Variants in OAS3 observed in about 807,000 individuals in gnomAD.
OAS3 encodes the protein 2'-5'-oligoadenylate synthetase 3.
In OAS3, 107 loss-of-function variants were observed where a neutral mutation model predicts 113.0. The observed-to-expected ratio is 0.95, with a 90% confidence interval of 0.81 to 1.11. The LOEUF (loss-of-function observed/expected upper bound fraction) is 1.11, where lower values mean the gene tolerates loss of function less well. Among genes scored for constraint, OAS3 ranks in the 50% most tolerant of loss-of-function variants. The pLI is 0.00. For missense variants in OAS3, 1,258 were observed against 1,389.1 expected (o/e 0.91, Z 1.50); for synonymous variants, 552 against 573.6 (o/e 0.96, Z 0.54).
At chr12:112,945,665 G>T (rs193301641) in intron 3 of OAS3, among the ~76,000 whole-genome samples, 451 of 152,316 alleles carry the variant, frequency 3.0e-3, no homozygotes, top group African/African-American at 0.011. Context: ...TCCAGTTCTG[G>T]CTCAGCCATC....
chr12:112,946,650 C>T (rs867524918), intron 3 of OAS3, 93 bp from the exon 4 acceptor site: 6 of 1,106,902 alleles, frequency 5.4e-6, no homozygotes, highest in Middle Eastern at 2.3e-4. Flanking sequence ...GCCTCAGGCT[C>T]GGCCTGGAAG....
rs1377499409 is a variant in OAS3, at chr12:112,972,125, A to C, written c.*2152A>C. 4 of 152,372 alleles carry C rather than the reference A, an allele frequency of 2.6e-5. No homozygotes were observed. The highest frequency in any genetic ancestry group is 4.4e-5 in the Non-Finnish European group (3 of 68,050). The allele number at this position is 152,372 out of a possible 1,614,324, so 9.4% of individuals were successfully genotyped here. On this transcript the variant is annotated 3_prime_UTR_variant, in exon 16 of 16. Coordinates refer to ENST00000228928, the MANE Select transcript of OAS3 (RefSeq NM_006187.4). Reference sequence around the variant, plus strand: ...GATGCTCCTGGGAAGACCAGGTGGCAGGTCGCAGTTGGGTACCTTCCATTC... The same window carrying C: ...GATGCTCCTGGGAAGACCAGGTGGCCGGTCGCAGTTGGGTACCTTCCATTC...
In OAS3 at chr12:112,941,834, C is replaced by T. The variant is rs374414965; in HGVS notation, c.442C>T (p.Pro148Ser). The stretch of plus-strand genomic sequence containing the variant: ...GGACTGGATGGATGTTAGCCTGGTG[C>T]CTGCCTTCAATGTCCTGGGTGAGGG... ...LEDWMDVSLV[P>S]AFNVLGQAGS... Residue 148 changes from proline (P) to serine (S), a missense_variant, in exon 2 of 16, where the codon CCT becomes TCT. Pro to Ser is a moderately conservative substitution (Grantham distance 74). Transcript: ENST00000228928. 1.2e-5 allele frequency: 20 copies of T among 1,613,984 alleles called. No individual in the cohort carries two copies. The East Asian group carries it at 1.3e-4, about 11-fold the overall frequency.
In OAS3 at chr12:112,948,983, C is replaced by G; in HGVS notation, c.1152C>G (p.Pro384=). 6.2e-7 allele frequency: 1 copy of G among 1,614,002 alleles called. No individual in the cohort carries two copies. Among genetic ancestry groups the G allele is most frequent in the Non-Finnish European group, 8.5e-7 (1 of 1,179,884 alleles). The change falls in exon 6 of 16, where the codon CCC becomes CCG. Residue 384 remains proline, a synonymous_variant. Coordinates refer to ENST00000228928, the MANE Select transcript of OAS3 (RefSeq NM_006187.4). Reference sequence around the variant, plus strand: ...ACCCAAGAGCAGGGAGCAAACCTCCCTCATGCCCAGCTCCTGGCCCCACTG... The same window carrying G: ...ACCCAAGAGCAGGGAGCAAACCTCCGTCATGCCCAGCTCCTGGCCCCACTG... ...AVYPRAGSKP[P]SCPAPGPTGA...
At position 112,948,941 on chromosome 12, in the gene OAS3, G is replaced by C; in HGVS notation, c.1110G>C (p.Lys370Asn). The stretch of plus-strand genomic sequence containing the variant: ...ACCAGAAGACCCCTGAAAACAGCAA[G>C]AGCCTCAATGCTGTGTACCCAAGAG... ...DPNQKTPENS[K>N]SLNAVYPRAG... The change falls in exon 6 of 16, where the codon AAG (lysine) becomes AAC (asparagine). Residue 370 changes from lysine (K) to asparagine (N), a missense_variant. Lys to Asn is a moderately conservative substitution (Grantham distance 94). Transcript: ENST00000228928. The C allele has an allele frequency of 1.2e-6, 2 of 1,612,944 alleles. No individual in the cohort carries two copies. The highest frequency in any genetic ancestry group is 2.2e-5 in the East Asian group (1 of 44,848).
In OAS3 at chr12:112,944,625, T is replaced by C. The variant is rs759470269; in HGVS notation, c.610T>C (p.Leu204=). The change falls in exon 3 of 16, where the codon TTG becomes CTG. Residue 204 remains leucine, a synonymous_variant. Transcript: ENST00000228928. ...IRPAKLKNLI[L]LVKHWYHQVC... ...CCCAGCCAAGTTGAAGAACCTAATC[T>C]TGCTGGTGAAGCACTGGTACCACCA... 6 of 1,613,948 alleles carry C rather than the reference T, an allele frequency of 3.7e-6. No individual in the cohort carries two copies. Among genetic ancestry groups the C allele is most frequent in the Non-Finnish European group, 5.1e-6 (6 of 1,179,908 alleles).
At position 112,966,029 on chromosome 12, in the gene OAS3, G is replaced by T; in HGVS notation, c.2689G>T (p.Gly897Cys). 1 of 1,613,854 alleles carries T rather than the reference G, an allele frequency of 6.2e-7. No individual in the cohort carries two copies. Among genetic ancestry groups the T allele is most frequent in the Non-Finnish European group, 8.5e-7 (1 of 1,179,732 alleles). Residue 897 changes from glycine to cysteine, a missense_variant and splice_region_variant, in exon 12 of 16, where the codon GGC (glycine) becomes TGC (cysteine). Transcript: ENST00000228928. Reference protein sequence around the residue: ...FDVLPAFDALGQLVSGSRPSS... With the variant: ...FDVLPAFDALCQLVSGSRPSS... The stretch of plus-strand genomic sequence containing the variant: ...TGTGCTGCCAGCCTTTGACGCCCTA[G>T]GTGAGGTGCCCTGGCGTAGACCTGA...
chr12:112,947,630 GT>G (rs897076233), intron 4 of OAS3, among the ~76,000 whole-genome samples: 3 of 152,156 alleles, frequency 2.0e-5, no homozygotes, highest in African/African-American at 7.2e-5. Flanking sequence ...TCTTGGACAT[GT>G]TTTTTTGGTG....
chr12:112,965,295 C>G (rs1249259805), intron 11 of OAS3, among the ~76,000 whole-genome samples: 1 of 152,176 alleles, frequency 6.6e-6, no homozygotes, highest in Non-Finnish European at 1.5e-5. Context: ...CACTGGCTCT[C>G]AACTCTGGCT....
intron 12 of OAS3, 50 bp downstream of exon 12, chr12:112,966,079 C>A: frequency 1.3e-6 from 2 of 1,591,126 alleles, no homozygotes; most frequent in Non-Finnish European, 8.6e-7. Context: ...GAGGCAGGGC[C>A]GCCATGGGCA....
chr12:112,970,419 C>T lies in OAS3; in HGVS notation c.*446C>T, dbSNP rs2043974693. 3 of 196,512 alleles carry T rather than the reference C, an allele frequency of 1.5e-5. No individual in the cohort carries two copies. Among genetic ancestry groups the T allele is most frequent in the Non-Finnish European group, 2.1e-5 (2 of 95,326 alleles). 12.2% of individuals were successfully genotyped at this position (196,512 alleles called of 1,614,324 possible). On this transcript the variant is annotated 3_prime_UTR_variant, in exon 16 of 16. Coordinates refer to ENST00000228928, the MANE Select transcript of OAS3 (RefSeq NM_006187.4). ...ATCTAAATAGTTTATATAGGGATGGCAGAGAGTTCCCATCTCATCTGTCAG... is the reference window on the plus strand; with the variant it reads ...ATCTAAATAGTTTATATAGGGATGGTAGAGAGTTCCCATCTCATCTGTCAG...
intron 2 of OAS3, among the ~76,000 whole-genome samples, chr12:112,943,502 G>T (rs944708782): frequency 6.6e-6 from 1 of 152,068 alleles, no homozygotes; most frequent in Admixed American, 6.6e-5. Context: ...GAGTGGTGGC[G>T]GAAAAGGCGC....
Position 112,969,759 on chromosome 12 carries a change from A to G in OAS3, c.3252+4A>G. On this transcript the variant is annotated splice_donor_region_variant and intron_variant, in intron 15 of 15. Transcript: ENST00000228928. ...CATCCAGCCATGGCCAGTGAAGGTG[A>G]GAGATCTGTGGTGCCAAAGGAAGTA... The G allele has an allele frequency of 6.2e-7, 1 of 1,611,818 alleles. No individual in the cohort carries two copies. The highest frequency in any genetic ancestry group is 8.5e-7 in the Non-Finnish European group (1 of 1,178,838).
chr12:112,942,113 T>C lies in OAS3; in HGVS notation c.460+261T>C. ...GCATCTGGGAGTTTCCCTCAGCCAC[T>C]GCCTGGAGCGGTTACTGCTCAGCCC... On this transcript the variant is annotated intron_variant, in intron 2 of 15. Transcript: ENST00000228928. The C allele has an allele frequency of 5.0e-6, 3 of 598,282 alleles. No individual in the cohort carries two copies. In the South Asian group the frequency reaches 6.2e-5, roughly 12 times the overall value. The allele number at this position is 598,282 out of a possible 1,614,324, so 37.1% of individuals were successfully genotyped here.
Position 112,967,569 on chromosome 12 carries a change from G to A in OAS3, c.2841G>A (p.Arg947=). ...CTACCAAGCTGAAGAGCCTGATCCG[G>A]CTGGTGAAGCACTGGTACCAGCAGG... ...SRPTKLKSLI[R]LVKHWYQQCT... The change falls in exon 13 of 16, where the codon CGG becomes CGA. Residue 947 remains arginine, a synonymous_variant. Transcript: ENST00000228928. 1 of 1,613,666 alleles carries A rather than the reference G, an allele frequency of 6.2e-7. No homozygotes were observed. Among genetic ancestry groups the A allele is most frequent in the Non-Finnish European group, 8.5e-7 (1 of 1,179,774 alleles).
At chr12:112,947,022 G>C in intron 4 of OAS3, 41 bp downstream of exon 4, 1 of 1,544,566 alleles carries the variant, frequency 6.5e-7, no homozygotes, top group Non-Finnish European at 8.9e-7. Context: ...CTGTCCCGGG[G>C]CCAGGGGGAG....
rs7961861 is a variant in OAS3, at chr12:112,948,113, C to T, written c.1029+14C>T. ...TGGAAGGGGCCGGTAAGTGAGGGGG[C>T]CCCAGGACCCTTGGGTTTTGCACTT... On this transcript the variant is annotated intron_variant, in intron 5 of 15. Transcript: ENST00000228928. 0.56 allele frequency: 835,738 copies of T among 1,502,208 alleles called. 237,563 individuals carry two copies. The highest frequency in any genetic ancestry group is 0.89 in the East Asian group (36,435 of 40,870). 93.1% of individuals were successfully genotyped at this position (1,502,208 alleles called of 1,614,324 possible).
At position 112,950,703 on chromosome 12, in the gene OAS3, T is replaced by G. The variant is rs778705671; in HGVS notation, c.1385T>G (p.Phe462Cys). 13 of 1,613,854 alleles carry G rather than the reference T, an allele frequency of 8.1e-6. No homozygotes were observed. The highest frequency in any genetic ancestry group is 1.1e-5 in the Non-Finnish European group (13 of 1,179,860). Residue 462 changes from phenylalanine (F) to cysteine (C), a missense_variant, in exon 7 of 16, where the codon TTT (phenylalanine) becomes TGT (cysteine). Phe to Cys is a radical substitution (Grantham distance 205). Coordinates refer to ENST00000228928, the MANE Select transcript of OAS3 (RefSeq NM_006187.4). ...KASRVSKGGS[F>C]GRGTDLRDGC... is the part of the protein sequence containing the mutation. ...TTCTTCCCTCCACAGGGGGGCTCATTTGGCCGGGGCACAGACCTAAGGGAT... is the reference window on the plus strand; with the variant it reads ...TTCTTCCCTCCACAGGGGGGCTCATGTGGCCGGGGCACAGACCTAAGGGAT...
intron 7 of OAS3, among the ~76,000 whole-genome samples, 187 bp from the exon 8 acceptor site, chr12:112,960,884 A>G (rs1593182527): frequency 6.6e-6 from 1 of 152,336 alleles, no homozygotes; most frequent in Middle Eastern, 3.4e-3. Context: ...ATTGAAAAGC[A>G]TCCAGTACAG....
Sources: allele counts gnomAD v4.1 joint callset (sites outside exome capture counted in the v4.1 genomes callset), GRCh38; gene constraint gnomAD v4.1.1; transcripts MANE v1.5; gene names NCBI Gene and HGNC (gene_info 2026-07-23, HGNC 2026-07-21).